The following GABRR3 variants were observed in gnomAD, a reference collection of about 807,000 sequenced individuals.
GABRR3 encodes gamma-aminobutyric acid receptor subunit rho-3.
Under a neutral mutation model 43.2 loss-of-function variants are expected in GABRR3, and 29 were observed. The ratio of observed to expected loss-of-function variants is 0.67; its 90% CI spans 0.50 to 0.92. GABRR3 has a LOEUF of 0.92. Among genes scored for constraint, GABRR3 ranks in the 40% least tolerant of loss-of-function variants. The pLI is 0.00. For synonymous variants in GABRR3, 206 were observed against 195.9 expected (o/e 1.05, Z -0.43); for missense variants, 576 against 572.3 (o/e 1.01, Z -0.07).
chr3:98,020,965 G>A (rs1339344605), intron 3 of GABRR3, among the ~76,000 whole-genome samples: 3 of 149,544 alleles, frequency 2.0e-5, no homozygotes, highest in African/African-American at 2.5e-5. Context: ...GGGTTCAAGC[G>A]ATTCTCTGGC....
intron 3 of GABRR3, among the ~76,000 whole-genome samples, chr3:98,021,545 T>C (rs1438025936): frequency 6.6e-6 from 1 of 152,204 alleles, no homozygotes; most frequent in African/African-American, 2.4e-5. Flanking sequence ...GTCAAGTCCT[T>C]AGCCTAACCC....
intron 5 of GABRR3, among the ~76,000 whole-genome samples, chr3:98,009,934 C>G (rs552528449): frequency 1.3e-5 from 2 of 152,328 alleles, no homozygotes; most frequent in South Asian, 4.1e-4. Context: ...TGTTTCAGTT[C>G]ATTTCCTTCA....
intron 2 of GABRR3, among the ~76,000 whole-genome samples, chr3:98,032,842 A>G (rs1707107043): frequency 6.6e-6 from 1 of 152,124 alleles, no homozygotes; most frequent in Non-Finnish European, 1.5e-5. Flanking sequence ...TGTTCACTCT[A>G]TTAGTTCTTT....
In GABRR3 at chr3:98,034,967, TA is replaced by T; in HGVS notation, c.20del (p.Leu7Ter). ...TGATCCAGATGTAGGTGAAGGAGACTAACTGGAAAGCCAGGACCATCTCTTC... is the reference window on the plus strand; with the variant it reads ...TGATCCAGATGTAGGTGAAGGAGACTACTGGAAAGCCAGGACCATCTCTTC... On this transcript the variant is annotated frameshift_variant, in exon 2 of 10. Transcript: ENST00000621172. LOFTEE classifies it high-confidence loss of function. 6.2e-7 allele frequency: 1 copy of T among 1,612,756 alleles called. No homozygotes were observed. Among genetic ancestry groups the T allele is most frequent in the East Asian group, 2.2e-5 (1 of 44,850 alleles).
exon 2 of GABRR3, chr3:98,034,892 C>G (rs984154147): frequency 1.9e-6 from 3 of 1,613,000 alleles, no homozygotes; most frequent in African/African-American, 1.3e-5. Context: ...AGGAGCACCG[C>G]TGGTGTGTCA....
intron 4 of GABRR3, among the ~76,000 whole-genome samples, chr3:98,015,870 A>C (rs1706866444): frequency 6.6e-6 from 1 of 152,202 alleles, no homozygotes; most frequent in Non-Finnish European, 1.5e-5. Flanking sequence ...GAGGTGTATT[A>C]GTCCATTTTC....
At chr3:98,011,811 A>T (rs1369859729) in intron 5 of GABRR3, among the ~76,000 whole-genome samples, 2 of 152,226 alleles carry the variant, frequency 1.3e-5, no homozygotes, top group Non-Finnish European at 2.9e-5. Context: ...CACAGAACTC[A>T]TTTGACTAAA....
intron 4 of GABRR3, 45 bp from the exon 5 acceptor site, chr3:98,012,612 G>A (rs1389983479): frequency 1.4e-6 from 2 of 1,392,806 alleles, no homozygotes; most frequent in Admixed American, 1.7e-5. Flanking sequence ...TAGGAATATG[G>A]TTCAGGATGA....
intron 4 of GABRR3, 88 bp downstream of exon 4, chr3:98,017,567 A>T: frequency 1.1e-6 from 1 of 898,714 alleles, no homozygotes; most frequent in Non-Finnish European, 1.8e-6. Flanking sequence ...ATACATAATT[A>T]AAATGATTTA....
At chr3:97,999,491 G>A (rs191204312) in intron 8 of GABRR3, 9 of 152,154 alleles carry the variant, frequency 5.9e-5, no homozygotes, top group African/African-American at 9.6e-5. Context: ...GCTTACATAC[G>A]GACAGTAGTT....
intron 5 of GABRR3, 41 bp downstream of exon 5, chr3:98,012,303 G>A (rs555786442): frequency 6.9e-7 from 1 of 1,452,922 alleles, no homozygotes. Flanking sequence ...GCAGATGGCT[G>A]CAGTACAGGG....
intron 2 of GABRR3, 75 bp from the exon 3 acceptor site, chr3:98,025,754 T>A: frequency 1.1e-6 from 1 of 931,894 alleles, no homozygotes; most frequent in Non-Finnish European, 1.7e-6. Context: ...GTTAGCCATC[T>A]GTGCTCAACA....
intron 7 of GABRR3, among the ~76,000 whole-genome samples, chr3:98,007,528 T>A (rs962319242): frequency 1.3e-5 from 2 of 152,170 alleles, no homozygotes; most frequent in African/African-American, 4.8e-5. Context: ...CTGTCTGCTG[T>A]ATTGAGACTG....
At chr3:98,017,367 T>C (rs1341798035) in intron 4 of GABRR3, among the ~76,000 whole-genome samples, 2 of 152,188 alleles carry the variant, frequency 1.3e-5, no homozygotes, top group East Asian at 3.8e-4. Context: ...TATACAATTG[T>C]TCCCAGTTCT....
intron 8 of GABRR3, among the ~76,000 whole-genome samples, chr3:97,995,746 T>A (rs1410408063): frequency 6.6e-6 from 1 of 152,164 alleles, no homozygotes; most frequent in East Asian, 1.9e-4. Context: ...ACTTATTATA[T>A]CTTGCGCCAC....
intron 8 of GABRR3, among the ~76,000 whole-genome samples, chr3:97,995,458 A>G (rs548227038): frequency 6.6e-6 from 1 of 152,338 alleles, no homozygotes; most frequent in African/African-American, 2.4e-5. Flanking sequence ...CTGGGCAAAT[A>G]AAAAGGAATT....
rs776039153 is a variant in GABRR3, at chr3:98,012,593, A to C, written c.307-26T>G. 8 of 1,549,722 alleles carry C rather than the reference A, an allele frequency of 5.2e-6. No individual in the cohort carries two copies. The East Asian group carries it at 1.6e-4, about 30-fold the overall frequency. On this transcript the variant is annotated intron_variant, in intron 4 of 9. Transcript: ENST00000621172. Reference sequence around the variant, plus strand: ...CTAGACAGAGAGAAAAAGAGACCAAAAAAACCAGTAGGAATATGGTTCAGG... The same window carrying C: ...CTAGACAGAGAGAAAAAGAGACCAACAAAACCAGTAGGAATATGGTTCAGG...
intron 4 of GABRR3, among the ~76,000 whole-genome samples, chr3:98,015,960 G>T (rs1706867287): frequency 6.6e-6 from 1 of 152,130 alleles, no homozygotes; most frequent in Non-Finnish European, 1.5e-5. Flanking sequence ...CTGCATGGCT[G>T]GGGAGGCCTC....
At chr3:98,035,055 C>A in intron 1 of GABRR3, 66 bp from the exon 2 acceptor site, 1 of 1,525,012 alleles carries the variant, frequency 6.6e-7, no homozygotes, top group South Asian at 1.2e-5. Context: ...ACAGTTTCTT[C>A]TTCATGTGTC....
Sources: allele counts gnomAD v4.1 joint callset (sites outside exome capture counted in the v4.1 genomes callset), GRCh38; gene constraint gnomAD v4.1.1; transcripts MANE v1.5; gene names NCBI Gene and HGNC (gene_info 2026-07-23, HGNC 2026-07-21).